The following SVOP variants were observed in gnomAD, a reference collection of about 807,000 sequenced individuals.
SVOP encodes the protein synaptic vesicle 2-related protein.
In SVOP, 17 loss-of-function variants were observed where a neutral mutation model predicts 69.1. That is an observed-to-expected ratio of 0.25 (90% CI 0.17 to 0.37). The LOEUF (loss-of-function observed/expected upper bound fraction) is 0.37. SVOP is among the 10% of genes least tolerant of loss of function. SVOP has a pLI of 1.00. For synonymous variants in SVOP, 238 were observed against 238.6 expected (o/e 1.00, Z 0.02); for missense variants, 435 against 597.5 (o/e 0.73, Z 2.84).
rs934813120 is a variant in SVOP at position 108,953,139 on chromosome 12, TTTTTTTTTTTTTTC to T, written c.578+7770_578+7783del. Among the ~76,000 whole-genome samples the T allele has an allele frequency of 5.7e-5, 7 of 123,718 alleles. No homozygotes were observed. In the East Asian group the frequency reaches 8.3e-4, roughly 15 times the overall value. 81.2% of individuals were successfully genotyped at this position (123,718 alleles called of 152,430 possible). On this transcript the variant is annotated intron_variant, in intron 6 of 15. Coordinates refer to ENST00000610966, the MANE Select transcript of SVOP (RefSeq NM_018711.5). Reference sequence around the variant, plus strand: ...GGCTCCTTAATGATCTAATTGACTTTTTTTTTTTTTTTTCTTTTTTTTTTTTGAGACAGAGTTTC... The same window carrying T: ...GGCTCCTTAATGATCTAATTGACTTTTTTTTTTTTTTTGAGACAGAGTTTC...
intron 11 of SVOP, among the ~76,000 whole-genome samples, chr12:108,927,133 C>T (rs1017667886): frequency 1.1e-4 from 16 of 152,242 alleles, no homozygotes; most frequent in African/African-American, 3.9e-4. Context: ...TGCCCCTCTT[C>T]ATGTTACCCT....
At chr12:108,974,035 G>A (rs2040093489) in intron 4 of SVOP, among the ~76,000 whole-genome samples, 1 of 152,218 alleles carries the variant, frequency 6.6e-6, no homozygotes, top group African/African-American at 2.4e-5. Context: ...TGAAAGCTGT[G>A]TGCTCTTTGG....
At chr12:108,957,265 G>C (rs2039990735) in intron 6 of SVOP, among the ~76,000 whole-genome samples, 1 of 152,180 alleles carries the variant, frequency 6.6e-6, no homozygotes, top group Non-Finnish European at 1.5e-5. Flanking sequence ...CTGGGTTCAA[G>C]GGATTCTCCT....
intron 4 of SVOP, 54 bp from the exon 5 acceptor site, chr12:108,972,530 A>G (rs1259197842): frequency 7.3e-6 from 11 of 1,511,976 alleles, no homozygotes; most frequent in Non-Finnish European, 9.8e-6. Flanking sequence ...CATTGCACAG[A>G]AAGGGAACAA....
intron 5 of SVOP, among the ~76,000 whole-genome samples, chr12:108,966,505 A>T (rs1002639156): frequency 6.6e-6 from 1 of 151,790 alleles, no homozygotes. Context: ...AGGGCAGATC[A>T]AGGAGGTTCT....
At chr12:108,956,597 G>A (rs1038945376) in intron 6 of SVOP, among the ~76,000 whole-genome samples, 16 of 152,274 alleles carry the variant, frequency 1.1e-4, no homozygotes, top group Admixed American at 2.6e-4. Flanking sequence ...TTTTGAAGGA[G>A]CAGCAATTCA....
At chr12:108,920,657 G>A (rs918370572) in intron 12 of SVOP, among the ~76,000 whole-genome samples, 5 of 148,000 alleles carry the variant, frequency 3.4e-5, no homozygotes, top group Middle Eastern at 3.5e-3. Context: ...GCAGTGGTGC[G>A]TGTGATATCA....
chr12:108,999,435 T>C (rs2040255511), intron 1 of SVOP, among the ~76,000 whole-genome samples: 1 of 145,790 alleles, frequency 6.9e-6, no homozygotes, highest in Admixed American at 6.9e-5. Context: ...TACCCAGGAA[T>C]TGAACTCAGC....
intron 1 of SVOP, among the ~76,000 whole-genome samples, chr12:108,986,781 G>A (rs1306564117): frequency 1.3e-5 from 2 of 152,090 alleles, no homozygotes; most frequent in Admixed American, 1.3e-4. Context: ...ATCGGGGAGG[G>A]GGGGGTCTTT....
At chr12:108,919,881 G>A in intron 12 of SVOP, 95 bp from the exon 13 acceptor site, 1 of 806,010 alleles carries the variant, frequency 1.2e-6, no homozygotes, top group East Asian at 2.7e-5. Flanking sequence ...CTCCCCTGGA[G>A]GGTGGACTAG....
rs558461596 is a variant in SVOP, at chr12:108,979,350, C to T, written c.197-687G>A. Among the ~76,000 whole-genome samples the T allele has an allele frequency of 2.6e-5, 4 of 152,304 alleles. No homozygotes were observed. The East Asian group carries it at 7.7e-4, about 29-fold the overall frequency. The stretch of plus-strand genomic sequence containing the variant: ...TATCTCCTGGGCTCAAGCCATCCTC[C>T]TGCCTCAGCCTCCCAAGTAGCTGGG... On this transcript the variant is annotated intron_variant, in intron 2 of 15. Coordinates refer to ENST00000610966, the MANE Select transcript of SVOP (RefSeq NM_018711.5).
chr12:108,927,902 A>C (rs375437413), intron 11 of SVOP, among the ~76,000 whole-genome samples: 1 of 144,438 alleles, frequency 6.9e-6, no homozygotes, highest in South Asian at 2.2e-4. Flanking sequence ...AGCTGACAAA[A>C]AACTCTTTTT....
intron 5 of SVOP, among the ~76,000 whole-genome samples, chr12:108,963,746 A>G (rs145932363): frequency 5.6e-4 from 86 of 152,276 alleles, no homozygotes; most frequent in African/African-American, 2.0e-3. Context: ...GACTCAAACA[A>G]TCCACCCACC....
At chr12:108,939,362 C>T (rs1382161748) in intron 8 of SVOP, among the ~76,000 whole-genome samples, 3 of 152,172 alleles carry the variant, frequency 2.0e-5, no homozygotes, top group African/African-American at 7.2e-5. Flanking sequence ...AGATCACTGT[C>T]AGAAATCTCA....
chr12:108,942,750 ATTAT>A (rs762750529), intron 7 of SVOP, among the ~76,000 whole-genome samples: 8 of 152,168 alleles, frequency 5.3e-5, no homozygotes, highest in Non-Finnish European at 1.2e-4. Flanking sequence ...TAAATAGTCC[ATTAT>A]TTATTTATTT....
At chr12:108,947,220 T>C (rs2039930615) in intron 6 of SVOP, among the ~76,000 whole-genome samples, 1 of 152,156 alleles carries the variant, frequency 6.6e-6, no homozygotes, top group Non-Finnish European at 1.5e-5. Flanking sequence ...TAAGAAGCCC[T>C]GGTTCCCTTT....
intron 6 of SVOP, among the ~76,000 whole-genome samples, chr12:108,954,693 C>A (rs185039308): frequency 1.3e-5 from 2 of 152,286 alleles, no homozygotes; most frequent in East Asian, 3.9e-4. Flanking sequence ...TTCTGATCCA[C>A]TGATGGCACC....
At chr12:108,914,346 T>C (rs1334910634) in intron 15 of SVOP, among the ~76,000 whole-genome samples, 1 of 152,226 alleles carries the variant, frequency 6.6e-6, no homozygotes, top group Non-Finnish European at 1.5e-5. Flanking sequence ...AGATGGTTAA[T>C]TTTGTTATGT....
intron 1 of SVOP, among the ~76,000 whole-genome samples, chr12:108,993,378 CAA>C (rs371842542): frequency 2.9e-5 from 4 of 139,902 alleles, no homozygotes; most frequent in African/African-American, 2.6e-5. Context: ...ATTTTGCCTT[CAA>C]AAAAAAAAAA....
Sources: gnomAD v4.1 joint callset for allele counts (sites outside exome capture counted in the v4.1 genomes callset) on GRCh38, gnomAD v4.1.1 for gene constraint, MANE v1.5 for transcripts, NCBI Gene and HGNC (gene_info 2026-07-23, HGNC 2026-07-21) for gene names.